CCSER1: variants seen among roughly 807,000 people sequenced by gnomAD.
CCSER1 encodes serine-rich coiled-coil domain-containing protein 1.
CCSER1 carries 41 observed loss-of-function variants against 82.0 expected under a neutral mutation model. The observed-to-expected ratio is 0.50, with a 90% confidence interval of 0.39 to 0.65. CCSER1 has a LOEUF of 0.65. Among genes scored for constraint, CCSER1 ranks in the 30% least tolerant of loss-of-function variants. The probability of loss-of-function intolerance (pLI) is 0.00; values close to 1 mark genes in which losing one functional copy is unlikely to be tolerated. For synonymous variants in CCSER1, 414 were observed against 383.9 expected (o/e 1.08, Z -0.92); for missense variants, 1,119 against 1,064.2 (o/e 1.05, Z -0.72).
At chr4:91,186,223 C>T (rs965986359) in intron 10 of CCSER1, among the ~76,000 whole-genome samples, 2 of 151,982 alleles carry the variant, frequency 1.3e-5, no homozygotes. Context: ...TAGGGATGAA[C>T]CTCTCCTTCC....
chr4:91,267,426 A>T (rs1741686492), intron 10 of CCSER1, among the ~76,000 whole-genome samples: 1 of 152,204 alleles, frequency 6.6e-6, no homozygotes, highest in African/African-American at 2.4e-5. Context: ...TTTTACAGAA[A>T]AAAGAGTCCT....
chr4:91,026,833 G>A (rs190155831), intron 9 of CCSER1, among the ~76,000 whole-genome samples: 5 of 152,092 alleles, frequency 3.3e-5, no homozygotes, highest in Admixed American at 2.6e-4. Context: ...TTAGCTGAAA[G>A]GTATTAATAA....
chr4:90,256,407 G>A (rs1163341564), intron 1 of CCSER1, among the ~76,000 whole-genome samples: 1 of 152,110 alleles, frequency 6.6e-6, no homozygotes, highest in Non-Finnish European at 1.5e-5. Flanking sequence ...TTGACTTAGT[G>A]ATTAAGAAAC....
chr4:90,243,396 G>A (rs1039577204), intron 1 of CCSER1, among the ~76,000 whole-genome samples: 3 of 151,802 alleles, frequency 2.0e-5, no homozygotes, highest in Admixed American at 1.3e-4. Flanking sequence ...TTACAGGAGC[G>A]TGCCACCATG....
At chr4:90,492,666 G>A (rs150168640) in intron 5 of CCSER1, among the ~76,000 whole-genome samples, 2,453 of 152,102 alleles carry the variant, frequency 0.016, 39 homozygotes, top group African/African-American at 0.047. Flanking sequence ...AGTGCTATAA[G>A]TTTCCCTCTA....
intron 9 of CCSER1, among the ~76,000 whole-genome samples, chr4:90,930,907 A>C (rs1027940587): frequency 1.4e-5 from 1 of 73,878 alleles, no homozygotes; most frequent in Admixed American, 2.0e-4. Context: ...ATTTATCCTT[A>C]TTTTATATAT....
At chr4:90,296,768 G>A (rs1268180197) in intron 1 of CCSER1, among the ~76,000 whole-genome samples, 1 of 152,090 alleles carries the variant, frequency 6.6e-6, no homozygotes, top group Admixed American at 6.6e-5. Context: ...CCCATTGCTT[G>A]TTTTCCTCAG....
At chr4:90,514,030 A>G (rs80020274) in intron 5 of CCSER1, among the ~76,000 whole-genome samples, 1 of 152,326 alleles carries the variant, frequency 6.6e-6, no homozygotes, top group South Asian at 2.1e-4. Flanking sequence ...TGTGACTTCA[A>G]GCAGGAGCCA....
At chr4:90,319,572 A>C (rs1232500507) in intron 3 of CCSER1, among the ~76,000 whole-genome samples, 2 of 152,134 alleles carry the variant, frequency 1.3e-5, no homozygotes, top group Admixed American at 1.3e-4. Flanking sequence ...GAATCCCTTG[A>C]ATGTGGGAGG....
chr4:90,921,431 A>G (rs1452910447), intron 8 of CCSER1, among the ~76,000 whole-genome samples: 4 of 152,010 alleles, frequency 2.6e-5, no homozygotes, highest in Non-Finnish European at 4.4e-5. Flanking sequence ...TAATGCCTAC[A>G]AGAGGGAGTA....
chr4:90,760,817 G>A (rs1016116397), intron 7 of CCSER1, among the ~76,000 whole-genome samples: 5 of 151,936 alleles, frequency 3.3e-5, no homozygotes, highest in Non-Finnish European at 5.9e-5. Flanking sequence ...AAACAAATAC[G>A]GCCAACAAAG....
chr4:91,160,109 T>C (rs1224095146), intron 10 of CCSER1, among the ~76,000 whole-genome samples: 2 of 150,832 alleles, frequency 1.3e-5, no homozygotes, highest in East Asian at 2.0e-4. Flanking sequence ...AGTGTTCTCA[T>C]TGTTCAGTTC....
chr4:91,041,641 T>C (rs889599676), intron 9 of CCSER1, among the ~76,000 whole-genome samples: 3 of 152,130 alleles, frequency 2.0e-5, no homozygotes, highest in Non-Finnish European at 2.9e-5. Flanking sequence ...CTTACCGGTT[T>C]TCAAAGTAAA....
intron 10 of CCSER1, among the ~76,000 whole-genome samples, chr4:91,110,675 A>C (rs1431870521): frequency 1.3e-5 from 2 of 152,060 alleles, no homozygotes; most frequent in Non-Finnish European, 2.9e-5. Context: ...CCTAGAGAAC[A>C]ATGTTTTATT....
intron 10 of CCSER1, among the ~76,000 whole-genome samples, chr4:91,388,584 G>A (rs1010045428): frequency 7.9e-5 from 12 of 151,964 alleles, no homozygotes; most frequent in African/African-American, 2.4e-4. Flanking sequence ...CAGTGATTTC[G>A]ATTTTGGCCA....
intron 9 of CCSER1, among the ~76,000 whole-genome samples, chr4:90,979,021 G>GTTT: frequency 6.6e-6 from 1 of 151,728 alleles, no homozygotes; most frequent in East Asian, 1.9e-4. Context: ...GAGGGAAAAT[G>GTTT]CAAACAACTA....
At chr4:91,532,890 T>C (rs535370285) in intron 10 of CCSER1, among the ~76,000 whole-genome samples, 27 of 151,816 alleles carry the variant, frequency 1.8e-4, no homozygotes, top group African/African-American at 6.5e-4. Context: ...AAAAAAGTTA[T>C]GCTTTCCAAG....
chr4:91,117,601 G>A (rs1017574067), intron 10 of CCSER1, among the ~76,000 whole-genome samples: 2 of 152,122 alleles, frequency 1.3e-5, no homozygotes, highest in South Asian at 2.1e-4. Context: ...GATTTACTGC[G>A]TGTTTCAAAG....
chr4:91,048,291 A>T (rs4693257), intron 9 of CCSER1, among the ~76,000 whole-genome samples: 137,514 of 151,902 alleles, frequency 0.91, 62,391 homozygotes, highest in African/African-American at 0.92. Context: ...TTTACACATA[A>T]ATAAAATATC....
Sources: gnomAD v4.1 joint callset for allele counts (sites outside exome capture counted in the v4.1 genomes callset) on GRCh38, gnomAD v4.1.1 for gene constraint, MANE v1.5 for transcripts, NCBI Gene and HGNC (gene_info 2026-07-23, HGNC 2026-07-21) for gene names.